ARHGEF28: variants seen among roughly 807,000 people sequenced by gnomAD.
ARHGEF28 encodes 190 kDa guanine nucleotide exchange factor.
ARHGEF28 carries 152 observed loss-of-function variants against 206.6 expected under a neutral mutation model. The observed-to-expected ratio is 0.74, with a 90% CI of 0.64 to 0.84. The LOEUF is 0.84. ARHGEF28 is among the 40% of genes least tolerant of loss of function. The pLI is 0.00. For missense variants in ARHGEF28, 2,028 were observed against 2,073.2 expected, an observed-to-expected ratio of 0.98 and a Z score of 0.42; for synonymous variants, 763 against 776.4, an observed-to-expected ratio of 0.98 and a Z score of 0.29.
chr5:73,845,307 C>T (rs1390083311), intron 11 of ARHGEF28, among the ~76,000 whole-genome samples: 2 of 152,132 alleles, frequency 1.3e-5, no homozygotes, highest in African/African-American at 4.8e-5. Context: ...TGAGCCACTG[C>T]GCCCAGCCTC....
At chr5:73,780,868 G>A in intron 7 of ARHGEF28, 123 bp downstream of exon 7, 1 of 1,016,778 alleles carries the variant, frequency 9.8e-7, no homozygotes, top group Non-Finnish European at 1.5e-6. Context: ...CAAGATCAGG[G>A]GTGTGGGATA....
chr5:73,658,132 C>CT (rs1433493357), intron 1 of ARHGEF28, among the ~76,000 whole-genome samples: 90 of 127,320 alleles, frequency 7.1e-4, no homozygotes, highest in Middle Eastern at 4.1e-3. Context: ...AAAGGAAGTC[C>CT]TTTTTTTAAA....
chr5:73,790,512 G>T (rs1754417695), intron 7 of ARHGEF28, among the ~76,000 whole-genome samples: 1 of 152,140 alleles, frequency 6.6e-6, no homozygotes, highest in East Asian at 1.9e-4. Context: ...CCCAGCTGCT[G>T]CTCAGTAGGG....
chr5:73,633,527 C>T (rs1484758032), intron 1 of ARHGEF28, among the ~76,000 whole-genome samples: 4 of 150,992 alleles, frequency 2.6e-5, no homozygotes, highest in Non-Finnish European at 1.5e-5. Flanking sequence ...AAGTGTTTAG[C>T]ACAGAACCTA....
chr5:73,753,905 G>T (rs1421722385), intron 4 of ARHGEF28, among the ~76,000 whole-genome samples: 1 of 152,198 alleles, frequency 6.6e-6, no homozygotes, highest in Non-Finnish European at 1.5e-5. Flanking sequence ...TCTGACTTCA[G>T]TGATCCTTCT....
chr5:73,919,789 T>C lies in ARHGEF28; in HGVS notation c.4948+8214T>C, dbSNP rs878917293. ...TTGGTTATCCTGAATCAATTTGTAC[T>C]TGTTAGTTCTGGAGAAACTGATAAA... On this transcript the variant is annotated intron_variant, in intron 35 of 35. Coordinates refer to ENST00000513042, the MANE Select transcript of ARHGEF28 (RefSeq NM_001177693.2). 8.0e-4 allele frequency among the ~76,000 whole-genome samples: 122 copies of C among 152,352 alleles called. 1 individual carries two copies. The highest frequency in any genetic ancestry group is 3.4e-3 in the Middle Eastern group (1 of 294).
chr5:73,735,095 A>G (rs1750832039), intron 2 of ARHGEF28, among the ~76,000 whole-genome samples: 1 of 152,094 alleles, frequency 6.6e-6, no homozygotes, highest in Non-Finnish European at 1.5e-5. Context: ...CACTCATTAG[A>G]TATTCAATAA....
intron 35 of ARHGEF28, among the ~76,000 whole-genome samples, chr5:73,926,104 G>A (rs1330834437): frequency 6.6e-6 from 1 of 152,186 alleles, no homozygotes; most frequent in Non-Finnish European, 1.5e-5. Context: ...TTTTCCTGGT[G>A]TCCAGCCCAG....
At chr5:73,640,143 T>A (rs1743980438) in intron 1 of ARHGEF28, among the ~76,000 whole-genome samples, 1 of 152,182 alleles carries the variant, frequency 6.6e-6, no homozygotes. Flanking sequence ...ACATTTCTTA[T>A]CTGGGCTCCT....
At chr5:73,642,425 G>A (rs1744176309) in intron 1 of ARHGEF28, among the ~76,000 whole-genome samples, 1 of 152,074 alleles carries the variant, frequency 6.6e-6, no homozygotes, top group African/African-American at 2.4e-5. Context: ...GTTTTTTAGA[G>A]GAAAAGCTTC....
intron 1 of ARHGEF28, among the ~76,000 whole-genome samples, chr5:73,657,173 A>C (rs62357684): frequency 6.6e-3 from 83 of 12,606 alleles, no homozygotes; most frequent in Non-Finnish European, 0.011. Flanking sequence ...ACTCCGTCCC[A>C]AAAAAAAAAA....
intron 1 of ARHGEF28, among the ~76,000 whole-genome samples, chr5:73,652,342 G>T (rs1744886762): frequency 6.6e-6 from 1 of 152,216 alleles, no homozygotes; most frequent in Admixed American, 6.5e-5. Flanking sequence ...GCTTCATGGA[G>T]GAAGTGAAGT....
At chr5:73,863,062 T>G (rs34445952) in intron 16 of ARHGEF28, 45,921 of 151,882 alleles carry the variant, frequency 0.3, 8,564 homozygotes, top group African/African-American at 0.52. Context: ...CCAACATTGC[T>G]GCAACAGATG....
chr5:73,790,421 A>G (rs1056949122), intron 7 of ARHGEF28, among the ~76,000 whole-genome samples: 1 of 152,232 alleles, frequency 6.6e-6, no homozygotes, highest in Admixed American at 6.5e-5. Context: ...AATATAGAAT[A>G]GAAATATAAA....
chr5:73,791,907 A>G (rs537999406), intron 7 of ARHGEF28, among the ~76,000 whole-genome samples: 2 of 152,332 alleles, frequency 1.3e-5, no homozygotes, highest in Non-Finnish European at 1.5e-5. Flanking sequence ...TACTGATACC[A>G]TTATCTGCTA....
In ARHGEF28 at chr5:73,814,881, A is replaced by G. The variant is rs149840000; in HGVS notation, c.1025-17457A>G. On this transcript the variant is annotated intron_variant, in intron 9 of 35. Coordinates refer to ENST00000513042, the MANE Select transcript of ARHGEF28 (RefSeq NM_001177693.2). ...CAGGAATAAGATGCATTTACCGTCT[A>G]GGGCTAGTAGAAAGACTCAGCCTGA... 1.4e-4 allele frequency among the ~76,000 whole-genome samples: 21 copies of G among 152,314 alleles called. 1 individual carries two copies. Among genetic ancestry groups the G allele is most frequent in the African/African-American group, 5.1e-4 (21 of 41,568 alleles).
chr5:73,797,951 ATG>A (rs1754919368), intron 9 of ARHGEF28, among the ~76,000 whole-genome samples: 1 of 152,222 alleles, frequency 6.6e-6, no homozygotes, highest in Admixed American at 6.5e-5. Context: ...AGCATGTGAC[ATG>A]TGACTGAGGA....
Position 73,747,443 on chromosome 5 carries a change from C to T in ARHGEF28, c.34-2394C>T, listed in dbSNP as rs1047010445. 2.6e-5 allele frequency among the ~76,000 whole-genome samples: 4 copies of T among 152,150 alleles called. No individual in the cohort carries two copies. The South Asian group carries it at 6.2e-4, about 24-fold the overall frequency. On this transcript the variant is annotated intron_variant, in intron 2 of 35. Transcript: ENST00000513042. Reference sequence around the variant, plus strand: ...GTACTTGCATATTCTTTCAGAAGGCCGTTCTTCCTGCTGATCTCCTAAGTA... The same window carrying T: ...GTACTTGCATATTCTTTCAGAAGGCTGTTCTTCCTGCTGATCTCCTAAGTA...
At chr5:73,828,617 T>TTTTTTCC (rs1456109057) in intron 9 of ARHGEF28, among the ~76,000 whole-genome samples, 1 of 151,824 alleles carries the variant, frequency 6.6e-6, no homozygotes, top group African/African-American at 2.4e-5. Context: ...CTTTCCTTTC[T>TTTTTTCC]TTTTTCCTTT....
Sources: gnomAD v4.1 joint callset for allele counts (sites outside exome capture counted in the v4.1 genomes callset) on GRCh38, gnomAD v4.1.1 for gene constraint, MANE v1.5 for transcripts, NCBI Gene and HGNC (gene_info 2026-07-23, HGNC 2026-07-21) for gene names.